The following NCKAP5 variants were observed in gnomAD, a reference collection of about 807,000 sequenced individuals.
NCKAP5 encodes nck-associated protein 5.
NCKAP5 carries 92 observed loss-of-function variants against 167.0 expected under a neutral mutation model. The observed-to-expected ratio is 0.55, with a 90% confidence interval of 0.47 to 0.66. NCKAP5 has a LOEUF of 0.66. Among genes scored for constraint, NCKAP5 ranks in the 30% least tolerant of loss-of-function variants. The pLI, the probability that NCKAP5 is intolerant of heterozygous loss-of-function variation, is 0.00. For synonymous variants in NCKAP5, 891 were observed against 877.4 expected (o/e 1.02, Z -0.27); for missense variants, 2,378 against 2,315.0 (o/e 1.03, Z -0.56).
intron 5 of NCKAP5, among the ~76,000 whole-genome samples, chr2:133,177,961 C>T (rs149465398): frequency 4.6e-5 from 7 of 152,318 alleles, no homozygotes; most frequent in African/African-American, 7.2e-5. Context: ...CTCCTGTCAA[C>T]GTAGGCCAAG....
intron 8 of NCKAP5, among the ~76,000 whole-genome samples, chr2:132,890,791 A>T (rs1692635608): frequency 6.6e-6 from 1 of 152,314 alleles, no homozygotes; most frequent in South Asian, 2.1e-4. Flanking sequence ...CACTGATTGT[A>T]TTTGAGAGCT....
At chr2:133,413,048 G>T (rs1342916660) in intron 3 of NCKAP5, among the ~76,000 whole-genome samples, 1 of 152,212 alleles carries the variant, frequency 6.6e-6, no homozygotes, top group Non-Finnish European at 1.5e-5. Flanking sequence ...AAGCCTGCAG[G>T]TCTGGCCTGC....
At chr2:133,618,947 C>T in the NCKAP5 span, among the ~76,000 whole-genome samples, 12 of 146,370 alleles carry the variant, frequency 8.2e-5, no homozygotes, top group African/African-American at 2.8e-4. Context: ...AAATGTGGCA[C>T]ATATACACCA....
intron 3 of NCKAP5, among the ~76,000 whole-genome samples, chr2:133,413,665 C>T (rs761916932): frequency 1.3e-5 from 2 of 151,950 alleles, no homozygotes; most frequent in Non-Finnish European, 2.9e-5. Context: ...TTTAAAAAAC[C>T]TCATTTTCCA....
At chr2:132,684,172 T>C (rs559107521) in intron 19 of NCKAP5, among the ~76,000 whole-genome samples, 1 of 152,340 alleles carries the variant, frequency 6.6e-6, no homozygotes, top group African/African-American at 2.4e-5. Flanking sequence ...ATTTTTAAAT[T>C]AATGTAGAAG....
At chr2:133,632,752 C>T in the NCKAP5 span, among the ~76,000 whole-genome samples, 2 of 152,092 alleles carry the variant, frequency 1.3e-5, no homozygotes, top group Admixed American at 1.3e-4. Flanking sequence ...TACTCTCTTC[C>T]ACGCTGCCAC....
chr2:132,885,638 T>G (rs1692154965), intron 8 of NCKAP5, among the ~76,000 whole-genome samples: 1 of 152,326 alleles, frequency 6.6e-6, no homozygotes, highest in East Asian at 1.9e-4. Context: ...TTGGTTTGGT[T>G]TACTGTGGAA....
chr2:132,673,141 A>G lies in NCKAP5; in HGVS notation c.*148T>C. 4 of 1,356,464 alleles carry G rather than the reference A, an allele frequency of 2.9e-6. No homozygotes were observed. The highest frequency in any genetic ancestry group is 3.8e-6 in the Non-Finnish European group (4 of 1,058,702). The allele number at this position is 1,356,464 out of a possible 1,614,324, so 84.0% of individuals were successfully genotyped here. A position where few individuals can be genotyped will look rare whatever the true frequency, so the allele number is the denominator to read the frequency against. ...CTGAACTACTCAAAGATGTCTCTTC[A>G]TTTTTTTCTTTTTCTTCCTTCTGTC... On this transcript the variant is annotated 3_prime_UTR_variant, in exon 20 of 20. Transcript: ENST00000409261.
intron 3 of NCKAP5, among the ~76,000 whole-genome samples, chr2:133,317,334 T>C (rs1276611162): frequency 6.6e-6 from 1 of 152,120 alleles, no homozygotes; most frequent in Non-Finnish European, 1.5e-5. Context: ...AGGGACCTCT[T>C]GGGCAATCGT....
At chr2:133,070,660 C>A (rs2080358537) in intron 6 of NCKAP5, among the ~76,000 whole-genome samples, 2 of 152,078 alleles carry the variant, frequency 1.3e-5, no homozygotes, top group African/African-American at 4.8e-5. Context: ...CTACTTGAGG[C>A]CTCAGCAACC....
At chr2:132,821,124 C>T (rs768815714) in intron 11 of NCKAP5, among the ~76,000 whole-genome samples, 19 of 152,162 alleles carry the variant, frequency 1.2e-4, no homozygotes, top group Middle Eastern at 3.4e-3. Flanking sequence ...TGAAACATAC[C>T]GGAAAAACCA....
At chr2:133,078,405 G>A (rs756232094) in intron 6 of NCKAP5, among the ~76,000 whole-genome samples, 38 of 152,138 alleles carry the variant, frequency 2.5e-4, no homozygotes, top group Admixed American at 5.9e-4. Flanking sequence ...CTAAGTGGGA[G>A]TTCAGATTTT....
intron 7 of NCKAP5, among the ~76,000 whole-genome samples, chr2:132,970,565 T>C (rs963124066): frequency 6.6e-6 from 1 of 152,180 alleles, no homozygotes; most frequent in Non-Finnish European, 1.5e-5. Flanking sequence ...CCTCAACAAA[T>C]ACCAGCTAGA....
At chr2:132,709,293 A>G (rs2105307785) in intron 19 of NCKAP5, among the ~76,000 whole-genome samples, 1 of 152,242 alleles carries the variant, frequency 6.6e-6, no homozygotes, top group African/African-American at 2.4e-5. Context: ...GTCTTTCTGA[A>G]AAGTTTAAAA....
chr2:132,956,676 G>T (rs2076354352), intron 8 of NCKAP5, among the ~76,000 whole-genome samples: 1 of 152,014 alleles, frequency 6.6e-6, no homozygotes, highest in African/African-American at 2.4e-5. Flanking sequence ...CCCACTTCAG[G>T]CCTGTCTATA....
chr2:133,282,022 C>T (rs1008663255), intron 4 of NCKAP5, among the ~76,000 whole-genome samples: 3 of 152,120 alleles, frequency 2.0e-5, no homozygotes, highest in Admixed American at 6.5e-5. Flanking sequence ...AATTCTATCA[C>T]GTGCCTATAA....
intron 3 of NCKAP5, among the ~76,000 whole-genome samples, chr2:133,370,138 C>T (rs763909060): frequency 1.3e-5 from 2 of 152,110 alleles, no homozygotes; most frequent in Non-Finnish European, 2.9e-5. Flanking sequence ...CCTTAGGTGG[C>T]TAATGTTCCA....
chr2:133,612,627 GT>G, the NCKAP5 span, among the ~76,000 whole-genome samples: 1 of 152,120 alleles, frequency 6.6e-6, no homozygotes, highest in Non-Finnish European at 1.5e-5. Flanking sequence ...CAATGTAAAT[GT>G]TCTTTCTGGG....
chr2:132,903,734 C>T (rs1417941976), intron 8 of NCKAP5, among the ~76,000 whole-genome samples: 1 of 152,120 alleles, frequency 6.6e-6, no homozygotes, highest in Non-Finnish European at 1.5e-5. Context: ...ACAGATTAGG[C>T]AAGGTAGACT....
Sources: gnomAD v4.1 joint callset for allele counts (sites outside exome capture counted in the v4.1 genomes callset) on GRCh38, gnomAD v4.1.1 for gene constraint, MANE v1.5 for transcripts, NCBI Gene and HGNC (gene_info 2026-07-23, HGNC 2026-07-21) for gene names.